The following CELF2 variants were observed in gnomAD, a reference collection of about 807,000 sequenced individuals.
The protein encoded by CELF2 is CUGBP Elav-like family member 2, also known as CUG triplet repeat RNA-binding protein 2.
A neutral mutation model predicts 62.6 loss-of-function variants in CELF2; 8 were observed. That is an observed-to-expected ratio of 0.13 (90% CI 0.07 to 0.23). The LOEUF is 0.23. Among genes scored for constraint, CELF2 ranks in the 10% least tolerant of loss-of-function variants. The pLI is 1.00. For missense variants in CELF2, 333 were observed against 671.0 expected (o/e 0.50, Z 5.56); for synonymous variants, 258 against 250.0 (o/e 1.03, Z -0.30).
chr10:11,200,611 C>T (rs994125039), intron 2 of CELF2, among the ~76,000 whole-genome samples: 1 of 152,236 alleles, frequency 6.6e-6, no homozygotes, highest in Non-Finnish European at 1.5e-5. Flanking sequence ...GGGTCTCCCT[C>T]TTTTCCTTGC....
chr10:10,689,201 C>A, the CELF2 span, among the ~76,000 whole-genome samples: 1 of 152,002 alleles, frequency 6.6e-6, no homozygotes, highest in African/African-American at 2.4e-5. Flanking sequence ...GGAAGCATTA[C>A]CAGGAGGCCT....
the CELF2 span, among the ~76,000 whole-genome samples, chr10:10,629,694 C>G: frequency 6.6e-6 from 1 of 151,962 alleles, no homozygotes; most frequent in Non-Finnish European, 1.5e-5. Context: ...GATAGCAGAA[C>G]TCTTCCAGTG....
At chr10:10,646,615 T>C in the CELF2 span, among the ~76,000 whole-genome samples, 2 of 152,222 alleles carry the variant, frequency 1.3e-5, no homozygotes, top group Non-Finnish European at 2.9e-5. Context: ...CTGCAAAGAC[T>C]TCCAAGGCTG....
At chr10:10,675,436 G>A in the CELF2 span, among the ~76,000 whole-genome samples, 3 of 151,940 alleles carry the variant, frequency 2.0e-5, no homozygotes, top group Non-Finnish European at 4.4e-5. Flanking sequence ...TCTTTTGTTT[G>A]AAAATGAAAG....
chr10:10,653,810 G>A, the CELF2 span, among the ~76,000 whole-genome samples: 55,265 of 135,448 alleles, frequency 0.41, 11,562 homozygotes, highest in South Asian at 0.65. Context: ...TAAAAGAACT[G>A]GAAAAGCAAG....
chr10:11,133,190 A>G (rs1444441588), intron 1 of CELF2, among the ~76,000 whole-genome samples: 2 of 152,240 alleles, frequency 1.3e-5, no homozygotes, highest in Non-Finnish European at 2.9e-5. Flanking sequence ...ACTTCTCCCG[A>G]AGAGATCTTT....
intron 1 of CELF2, among the ~76,000 whole-genome samples, chr10:11,132,682 C>T (rs2059795193): frequency 1.3e-5 from 2 of 152,080 alleles, no homozygotes; most frequent in South Asian, 2.1e-4. Context: ...ACTCCACCGG[C>T]AAAAGACTTA....
chr10:11,072,755 G>A (rs185493417), intron 1 of CELF2, among the ~76,000 whole-genome samples: 4 of 152,072 alleles, frequency 2.6e-5, no homozygotes, highest in Non-Finnish European at 5.9e-5. Flanking sequence ...GGGTTCACAG[G>A]TATCACTTGA....
rs2095887399 is a variant in CELF2 at position 11,328,711 on chromosome 10, CATTT to C, written c.1439-214_1439-211del. Among the ~76,000 whole-genome samples, 1 of 152,200 alleles carries C rather than the reference CATTT, an allele frequency of 6.6e-6. No homozygotes were observed. The highest frequency in any genetic ancestry group is 1.5e-5 in the Non-Finnish European group (1 of 68,030). ...GAGGGGTGTGTGCTCCATGATGCCA[CATTT>C]CCAGTCCAGCCAGCTGCTCCACAGC... On this transcript the variant is annotated intron_variant, in intron 12 of 12. Transcript: ENST00000633077. This position sits in a 1 kb window ranked among gnomAD's most constrained non-coding sequence, Gnocchi z 6.4.
chr10:11,282,733 C>T (rs968683067), intron 8 of CELF2, among the ~76,000 whole-genome samples: 1 of 152,214 alleles, frequency 6.6e-6, no homozygotes, highest in African/African-American at 2.4e-5. Context: ...CGAGCTTGCT[C>T]CAGGTAACAG....
the CELF2 span, among the ~76,000 whole-genome samples, chr10:10,520,583 C>A: frequency 6.6e-5 from 10 of 152,188 alleles, no homozygotes; most frequent in South Asian, 2.1e-3. Context: ...GAAATGAGGG[C>A]ACGCTGCTGA....
rs2096054271 is a variant in CELF2, at chr10:11,332,822, T to G, written c.*3769T>G. ...TACAATGACATGATTTGTATTATCCTCACATGTGTTTACTACTGCTGGGGC... is the reference window on the plus strand; with the variant it reads ...TACAATGACATGATTTGTATTATCCGCACATGTGTTTACTACTGCTGGGGC... On this transcript the variant is annotated 3_prime_UTR_variant, in exon 13 of 13. Transcript: ENST00000633077. The G allele has an allele frequency of 6.5e-6, 1 of 152,686 alleles. No homozygotes were observed. The highest frequency in any genetic ancestry group is 2.4e-5 in the African/African-American group (1 of 41,456). 9.5% of individuals were successfully genotyped at this position (152,686 alleles called of 1,614,324 possible). A position where few individuals can be genotyped will look rare whatever the true frequency, so the allele number is the denominator to read the frequency against.
chr10:10,762,585 G>A, the CELF2 span, among the ~76,000 whole-genome samples: 353 of 152,254 alleles, frequency 2.3e-3, 1 homozygote, highest in Admixed American at 3.3e-3. Context: ...ACAACATTCC[G>A]GAATCCACTA....
At chr10:10,775,900 C>G in the CELF2 span, among the ~76,000 whole-genome samples, 371 of 152,300 alleles carry the variant, frequency 2.4e-3, 2 homozygotes, top group South Asian at 4.1e-3. Flanking sequence ...TTAAGCTGGT[C>G]CTAGTTTCTT....
chr10:10,530,257 G>T, the CELF2 span, among the ~76,000 whole-genome samples: 1 of 152,140 alleles, frequency 6.6e-6, no homozygotes, highest in East Asian at 1.9e-4. Context: ...TACGATGCTT[G>T]TTTTTATACA....
At chr10:10,764,630 A>C in the CELF2 span, among the ~76,000 whole-genome samples, 1 of 152,312 alleles carries the variant, frequency 6.6e-6, no homozygotes, top group African/African-American at 2.4e-5. Context: ...TTAAAGGGTC[A>C]CCCTTTGACC....
the CELF2 span, among the ~76,000 whole-genome samples, chr10:10,467,731 GTTGTTC>G: frequency 6.6e-6 from 1 of 151,936 alleles, no homozygotes; most frequent in Admixed American, 6.6e-5. Context: ...CATTTATGTA[GTTGTTC>G]TTTAATTTCT....
At position 11,269,471 on chromosome 10, in the gene CELF2, CAG is replaced by C. The variant is rs1374848085; in HGVS notation, c.619-1191_619-1190del. Among the ~76,000 whole-genome samples the C allele has an allele frequency of 8.5e-5, 13 of 152,232 alleles. No individual in the cohort carries two copies. In the East Asian group the frequency reaches 2.5e-3, roughly 29 times the overall value. ...GAAACATGACCCAAAGGGAATGGAA[CAG>C]AGAATCACATTTAAATAGGAATATA... On this transcript the variant is annotated intron_variant, in intron 6 of 12. Transcript: ENST00000633077. This position sits in a 1 kb window ranked among gnomAD's most constrained non-coding sequence, Gnocchi z 4.4.
At chr10:11,210,454 C>T (rs2061533334) in intron 2 of CELF2, among the ~76,000 whole-genome samples, 1 of 152,162 alleles carries the variant, frequency 6.6e-6, no homozygotes, top group Non-Finnish European at 1.5e-5. Flanking sequence ...AGCTTTGCCG[C>T]AGAATTGCAG....
Sources: allele counts gnomAD v4.1 joint callset (sites outside exome capture counted in the v4.1 genomes callset), GRCh38; gene constraint gnomAD v4.1.1; non-coding constraint Gnocchi (gnomAD v3.1); transcripts MANE v1.5; gene names NCBI Gene and HGNC (gene_info 2026-07-23, HGNC 2026-07-21).